The following CCNF variants were observed in gnomAD, a reference collection of about 807,000 sequenced individuals.
The protein encoded by CCNF is cyclin F, also known as cyclin-F.
CCNF carries 30 observed loss-of-function variants against 85.4 expected under a neutral mutation model. That is an observed-to-expected ratio of 0.35 (90% CI 0.26 to 0.48). The LOEUF (loss-of-function observed/expected upper bound fraction) is 0.48. CCNF is among the 20% of genes least tolerant of loss of function. CCNF has a pLI of 0.99. For synonymous variants in CCNF, 439 were observed against 425.1 expected, an observed-to-expected ratio of 1.03 and a Z score of -0.40; for missense variants, 919 against 1,010.4, an observed-to-expected ratio of 0.91 and a Z score of 1.23.
rs778667431 is a variant in CCNF, at chr16:2,453,304, G to C, written c.1582G>C (p.Glu528Gln). ...EDKRYGEISQ[E>Q]EVLSYSQLCA... ...CAAGCGCTATGGAGAAATCAGCCAG[G>C]AAGAGGTGCCTCCCTCCCGCCACCT... Residue 528 changes from glutamate (E) to glutamine (Q), a missense_variant, in exon 14 of 17, where the codon GAA becomes CAA. By Grantham distance (29) the Glu-to-Gln change is conservative. Around this residue, in one of 3 missense-constraint regions of CCNF, gnomAD observed 505 missense variants for 514.8 expected, o/e 0.98. Coordinates refer to ENST00000397066, the MANE Select transcript of CCNF (RefSeq NM_001761.3). The surrounding 1 kb of genome is among the most constrained non-coding windows in gnomAD (Gnocchi z 5.6). The C allele has an allele frequency of 2.2e-5, 36 of 1,613,818 alleles. 1 individual carries two copies. In the East Asian group the frequency reaches 8.0e-4, roughly 36 times the overall value.
chr16:2,447,268 T>G (rs2065367058), intron 10 of CCNF, among the ~76,000 whole-genome samples: 1 of 151,698 alleles, frequency 6.6e-6, no homozygotes, highest in African/African-American at 2.4e-5. Flanking sequence ...CAACTCTGCC[T>G]TATTATCTTT....
chr16:2,432,870 C>T (rs1218475581), intron 2 of CCNF, 91 bp from the exon 3 acceptor site: 2 of 689,890 alleles, frequency 2.9e-6, no homozygotes, highest in East Asian at 5.5e-5. Context: ...ACAGGAGACC[C>T]TACATCTGCC....
chr16:2,456,911 G>C lies in CCNF; in HGVS notation c.2252G>C (p.Arg751Pro). 1 of 1,614,082 alleles carries C rather than the reference G, an allele frequency of 6.2e-7. No individual in the cohort carries two copies. Among genetic ancestry groups the C allele is most frequent in the Non-Finnish European group, 8.5e-7 (1 of 1,180,024 alleles). Reference sequence around the variant, plus strand: ...GCCAGGAAGTCATGTTTACAGTGTCGTCCCCCAAGTCCCCCGGAGAGCAGT... The same window carrying C: ...GCCAGGAAGTCATGTTTACAGTGTCCTCCCCCAAGTCCCCCGGAGAGCAGT... ...HQARKSCLQC[R>P]PPSPPESSVP... Residue 751 changes from arginine (R) to proline (P), a missense_variant, in exon 17 of 17, where the codon CGT becomes CCT. Transcript: ENST00000397066. The surrounding 1 kb of genome is among the most constrained non-coding windows in gnomAD (Gnocchi z 4.5).
At chr16:2,437,902 T>TAA in intron 5 of CCNF, 168 bp from the exon 6 acceptor site, 30 of 467,142 alleles carry the variant, frequency 6.4e-5, no homozygotes, top group South Asian at 8.8e-5. Flanking sequence ...CTGTTTCCCT[T>TAA]TAAAAAAAAA....
rs926396419 is a variant in CCNF, at chr16:2,452,736, T to C, written c.1488-474T>C. The C allele has an allele frequency of 1.8e-5, 3 of 169,164 alleles. No individual in the cohort carries two copies. Among genetic ancestry groups the C allele is most frequent in the Non-Finnish European group, 3.9e-5 (3 of 77,798 alleles). The allele number at this position is 169,164 out of a possible 1,614,324, so 10.5% of individuals were successfully genotyped here. ...CAGCGCTAGATGACCCCCAGTAGTC[T>C]ACTTTCTGTCCATGGATGTTTCCCA... On this transcript the variant is annotated intron_variant, in intron 13 of 16. Transcript: ENST00000397066. This position sits in a 1 kb window ranked among gnomAD's most constrained non-coding sequence, Gnocchi z 4.1.
rs1274348796 is a variant in CCNF, at chr16:2,458,497, A to C, written c.*1477A>C. 1 of 152,144 alleles carries C rather than the reference A, an allele frequency of 6.6e-6. No individual in the cohort carries two copies. The highest frequency in any genetic ancestry group is 1.5e-5 in the Non-Finnish European group (1 of 68,048). 9.4% of individuals were successfully genotyped at this position (152,144 alleles called of 1,614,324 possible). A position where few individuals can be genotyped will look rare whatever the true frequency, so the allele number is the denominator to read the frequency against. ...ACTCATGACCTCAAGTGATCCGCCC[A>C]CTTCGGTCTCCCAAAGTGCTGGGAT... On this transcript the variant is annotated 3_prime_UTR_variant, in exon 17 of 17. Transcript: ENST00000397066.
Position 2,456,697 on chromosome 16 carries a change from A to C in CCNF, c.2038A>C (p.Thr680Pro), listed in dbSNP as rs565131831. ...ALALDTQIPA[T>P]PGPKPLVRTS... ...GGCGCTGGACACCCAGATCCCTGCA[A>C]CCCCTGGACCCAAACCCCTGGTCCG... Residue 680 changes from threonine to proline, a missense_variant, in exon 17 of 17, where the codon ACC becomes CCC. Physicochemically the swap from Thr to Pro is conservative, Grantham distance 38. Transcript: ENST00000397066. The surrounding 1 kb of genome is among the most constrained non-coding windows in gnomAD (Gnocchi z 4.5). The C allele has an allele frequency of 4.8e-5, 78 of 1,613,250 alleles. No individual in the cohort carries two copies. The South Asian group carries it at 7.2e-4, about 15-fold the overall frequency.
chr16:2,436,866 C>T, intron 4 of CCNF: 2 of 312,418 alleles, frequency 6.4e-6, no homozygotes, highest in Non-Finnish European at 1.2e-5. Context: ...GCGGGGTCTC[C>T]TTCCCCTGAC....
intron 10 of CCNF, among the ~76,000 whole-genome samples, chr16:2,446,573 C>T (rs74006624): frequency 0.016 from 2,427 of 152,314 alleles, 82 homozygotes; most frequent in African/African-American, 0.056. Flanking sequence ...ACCAGCTGTC[C>T]CCAGCATGGT....
chr16:2,445,760 C>T (rs2141824775), intron 10 of CCNF, 138 bp downstream of exon 10: 1 of 803,156 alleles, frequency 1.2e-6, no homozygotes, highest in Non-Finnish European at 1.9e-6. Context: ...CCAAGTCTCG[C>T]TCTGTCACCC....
At chr16:2,454,035 T>C (rs1310876956) in intron 15 of CCNF, among the ~76,000 whole-genome samples, 4 of 152,166 alleles carry the variant, frequency 2.6e-5, no homozygotes, top group African/African-American at 9.7e-5. Context: ...CCTGGAGAAC[T>C]CCTACTGATT....
At chr16:2,435,666 CATATATATATATATATATATATAT>C in intron 3 of CCNF, 116 bp from the exon 4 acceptor site, 4 of 38,822 alleles carry the variant, frequency 1.0e-4, no homozygotes, top group East Asian at 2.2e-3. Flanking sequence ...CACACACACA[CATATATATATATATATATATATAT>C]ATATATATAT....
Position 2,455,500 on chromosome 16 carries a change from G to C in CCNF, c.1821G>C (p.Trp607Cys), listed in dbSNP as rs750552435. 6.8e-6 allele frequency: 11 copies of C among 1,606,882 alleles called. No homozygotes were observed. The highest frequency in any genetic ancestry group is 6.8e-6 in the Non-Finnish European group (8 of 1,174,444). Reference sequence around the variant, plus strand: ...CGCTGCTGGGCAGCTTCCTCGACTGGAGCCTGGACTGCTGCTCTGGCTATG... The same window carrying C: ...CGCTGCTGGGCAGCTTCCTCGACTGCAGCCTGGACTGCTGCTCTGGCTATG... ...EETLLGSFLD[W>C]SLDCCSGYEG... is the part of the protein sequence containing the mutation. The change falls in exon 16 of 17, where the codon TGG (tryptophan) becomes TGC (cysteine). Residue 607 changes from tryptophan (W) to cysteine (C), a missense_variant. By Grantham distance (215) the Trp-to-Cys change is radical. Around this residue, in one of 3 missense-constraint regions of CCNF, gnomAD observed 505 missense variants for 514.8 expected, o/e 0.98. Coordinates refer to ENST00000397066, the MANE Select transcript of CCNF (RefSeq NM_001761.3).
In CCNF at chr16:2,435,799, G is replaced by T; in HGVS notation, c.279-7G>T. 6.2e-7 allele frequency: 1 copy of T among 1,611,516 alleles called. No homozygotes were observed. The highest frequency in any genetic ancestry group is 8.5e-7 in the Non-Finnish European group (1 of 1,177,958). ...TATTGTGATGCTTTATGTTCTTAAT[G>T]TTTCAGGGCTGCTGAAAAGGGGAAT... On this transcript the variant is annotated splice_polypyrimidine_tract_variant and splice_region_variant and intron_variant, in intron 3 of 16. Coordinates refer to ENST00000397066, the MANE Select transcript of CCNF (RefSeq NM_001761.3).
rs531239350 is a variant in CCNF at position 2,431,089 on chromosome 16, A to C, written c.17-41A>C. 196 of 1,606,854 alleles carry C rather than the reference A, an allele frequency of 1.2e-4. 2 individuals carry two copies. In the South Asian group the frequency reaches 2.1e-3, roughly 17 times the overall value. On this transcript the variant is annotated intron_variant, in intron 1 of 16. Coordinates refer to ENST00000397066, the MANE Select transcript of CCNF (RefSeq NM_001761.3). ...CCTTCAAGGGTGTGTATATAGAATAATTTTTCATCTTATCAAGGCTTCTGT... is the reference window on the plus strand; with the variant it reads ...CCTTCAAGGGTGTGTATATAGAATACTTTTTCATCTTATCAAGGCTTCTGT...
Position 2,443,725 on chromosome 16 carries a change from A to C in CCNF, c.854A>C (p.Gln285Pro). ...AGAGCTTCCAGTGAGATCGTCTGCC[A>C]GCTATTTCAGGCTTCCCAGGCTGTC... ...EVRASSEIVC[Q>P]LFQASQAVSK... The change falls in exon 9 of 17, where the codon CAG becomes CCG. Residue 285 changes from glutamine (Q) to proline (P), a missense_variant. Transcript: ENST00000397066. 5 of 1,614,154 alleles carry C rather than the reference A, an allele frequency of 3.1e-6. No homozygotes were observed. Among genetic ancestry groups the C allele is most frequent in the Non-Finnish European group, 4.2e-6 (5 of 1,180,002 alleles).
Position 2,439,462 on chromosome 16 carries a change from G to C in CCNF, c.699+5G>C. The C allele has an allele frequency of 6.3e-7, 1 of 1,595,816 alleles. No homozygotes were observed. The highest frequency in any genetic ancestry group is 8.6e-7 in the Non-Finnish European group (1 of 1,166,322). Reference sequence around the variant, plus strand: ...GAAAGCGACAGGAGGACAGATGTGAGTGGTGCCTGCTCTGGGTCGGGGGGA... The same window carrying C: ...GAAAGCGACAGGAGGACAGATGTGACTGGTGCCTGCTCTGGGTCGGGGGGA... On this transcript the variant is annotated splice_donor_5th_base_variant and intron_variant, in intron 7 of 16. Transcript: ENST00000397066.
chr16:2,429,611 C>G, intron 1 of CCNF, 114 bp downstream of exon 1: 1 of 1,050,898 alleles, frequency 9.5e-7, no homozygotes, highest in Non-Finnish European at 1.2e-6. Context: ...AGAGGGCTGG[C>G]TCGAGCTCTT....
chr16:2,443,890 C>T, intron 9 of CCNF, 90 bp downstream of exon 9: 1 of 1,234,942 alleles, frequency 8.1e-7, no homozygotes, highest in South Asian at 1.3e-5. Flanking sequence ...CCCCAGTTAC[C>T]TGTGACAGGG....
Sources: gnomAD v4.1 joint callset for allele counts (sites outside exome capture counted in the v4.1 genomes callset) on GRCh38, gnomAD v4.1.1 for gene constraint, gnomAD v4.1.1 regional missense constraint, Gnocchi (gnomAD v3.1) non-coding constraint, MANE v1.5 for transcripts, NCBI Gene and HGNC (gene_info 2026-07-23, HGNC 2026-07-21) for gene names.